Variants in OXCT1 observed in about 807,000 individuals in gnomAD.
The protein encoded by OXCT1 is succinyl-CoA:3-ketoacid coenzyme A transferase 1, mitochondrial.
Under a neutral mutation model 69.6 loss-of-function variants are expected in OXCT1, and 27 were observed. That is an observed-to-expected ratio of 0.39 (90% CI 0.29 to 0.54). The LOEUF (loss-of-function observed/expected upper bound fraction) is 0.54. OXCT1 is among the 20% of genes least tolerant of loss of function. The pLI is 0.72. For synonymous variants in OXCT1, 202 were observed against 217.8 expected (o/e 0.93, Z 0.64); for missense variants, 437 against 650.2 (o/e 0.67, Z 3.57).
intron 6 of OXCT1, among the ~76,000 whole-genome samples, chr5:41,840,958 C>A (rs1748601992): frequency 6.6e-6 from 1 of 152,156 alleles, no homozygotes; most frequent in South Asian, 2.1e-4. Context: ...TAATTACATT[C>A]TCTATTGAAG....
intron 13 of OXCT1, among the ~76,000 whole-genome samples, chr5:41,791,022 A>G (rs1308571173): frequency 6.6e-6 from 1 of 152,196 alleles, no homozygotes; most frequent in Non-Finnish European, 1.5e-5. Context: ...GAGTGCTTGC[A>G]GTGTTCACTT....
intron 13 of OXCT1, among the ~76,000 whole-genome samples, chr5:41,792,517 T>C (rs1412793114): frequency 6.6e-6 from 1 of 152,216 alleles, no homozygotes; most frequent in Non-Finnish European, 1.5e-5. Flanking sequence ...ATAGTCACTC[T>C]ACTACCCCGT....
At chr5:41,808,495 A>T (rs1042490261) in intron 7 of OXCT1, among the ~76,000 whole-genome samples, 2 of 152,112 alleles carry the variant, frequency 1.3e-5, no homozygotes, top group Non-Finnish European at 2.9e-5. Context: ...TACAGAAGAC[A>T]TTTTACTTAT....
chr5:41,843,752 A>G (rs1176114084), intron 5 of OXCT1: 1 of 294,714 alleles, frequency 3.4e-6, no homozygotes, highest in Non-Finnish European at 6.9e-6. Context: ...GCTATAGAAA[A>G]TAGAAAATTT....
intron 7 of OXCT1, among the ~76,000 whole-genome samples, chr5:41,809,785 T>C (rs1383874223): frequency 6.6e-6 from 1 of 152,054 alleles, no homozygotes; most frequent in Admixed American, 6.6e-5. Flanking sequence ...GACAATTATA[T>C]CATAACTCTC....
intron 7 of OXCT1, among the ~76,000 whole-genome samples, chr5:41,830,144 T>G (rs1748024162): frequency 6.6e-6 from 1 of 151,910 alleles, no homozygotes; most frequent in Non-Finnish European, 1.5e-5. Context: ...ATAAGGAAAA[T>G]AAATGTAAGT....
chr5:41,771,894 G>C (rs1744888107), intron 13 of OXCT1, among the ~76,000 whole-genome samples: 1 of 152,168 alleles, frequency 6.6e-6, no homozygotes, highest in Admixed American at 6.5e-5. Flanking sequence ...GAGCATGTAT[G>C]ACCTGCAAAT....
At chr5:41,862,203 T>A (rs982285527) in intron 2 of OXCT1, among the ~76,000 whole-genome samples, 1 of 152,086 alleles carries the variant, frequency 6.6e-6, no homozygotes, top group Non-Finnish European at 1.5e-5. Context: ...AAAGTGAAAC[T>A]CCCTCGAGAG....
At chr5:41,732,158 C>A (rs866739143) in intron 16 of OXCT1, among the ~76,000 whole-genome samples, 3 of 152,066 alleles carry the variant, frequency 2.0e-5, no homozygotes, top group Admixed American at 6.5e-5. Context: ...TCCAAAACCT[C>A]AAAATAGATC....
intron 9 of OXCT1, among the ~76,000 whole-genome samples, chr5:41,804,198 T>C (rs1464079206): frequency 6.6e-6 from 1 of 152,136 alleles, no homozygotes; most frequent in Non-Finnish European, 1.5e-5. Flanking sequence ...TCTAGTATAG[T>C]GTTATTTGTA....
At chr5:41,799,019 T>A (rs1746306971) in intron 11 of OXCT1, among the ~76,000 whole-genome samples, 1 of 152,198 alleles carries the variant, frequency 6.6e-6, no homozygotes, top group African/African-American at 2.4e-5. Flanking sequence ...GTATAATACA[T>A]GTGAAAAAGT....
chr5:41,869,946 C>A (rs2112499055), intron 1 of OXCT1: 1 of 401,310 alleles, frequency 2.5e-6, no homozygotes, highest in Non-Finnish European at 4.7e-6. Flanking sequence ...GAGTCCCTAT[C>A]CAAGGGCGGG....
At chr5:41,842,145 A>G (rs773752043) in intron 6 of OXCT1, among the ~76,000 whole-genome samples, 1 of 152,216 alleles carries the variant, frequency 6.6e-6, no homozygotes, top group Admixed American at 6.5e-5. Flanking sequence ...TAAAATCTAT[A>G]AAGTCTGTGG....
At chr5:41,783,626 T>G (rs891241753) in intron 13 of OXCT1, among the ~76,000 whole-genome samples, 1 of 152,230 alleles carries the variant, frequency 6.6e-6, no homozygotes, top group Non-Finnish European at 1.5e-5. Flanking sequence ...AGAGATCGAC[T>G]GATTCAAAGA....
intron 15 of OXCT1, among the ~76,000 whole-genome samples, chr5:41,744,231 T>C (rs1743350976): frequency 1.3e-5 from 2 of 152,194 alleles, no homozygotes; most frequent in Admixed American, 6.5e-5. Flanking sequence ...TTTGAAGCAA[T>C]TGTGAATGGG....
At chr5:41,766,490 AAAGT>A (rs753125193) in intron 13 of OXCT1, among the ~76,000 whole-genome samples, 13 of 152,164 alleles carry the variant, frequency 8.5e-5, no homozygotes, top group East Asian at 1.9e-4. Context: ...AATTTTAAAG[AAAGT>A]AAGAGAAAAA....
Position 41,870,179 on chromosome 5 carries a change from G to T in OXCT1, c.78+102C>A. 2 of 926,084 alleles carry T rather than the reference G, an allele frequency of 2.2e-6. No individual in the cohort carries two copies. Among genetic ancestry groups the T allele is most frequent in the Non-Finnish European group, 3.5e-6 (2 of 572,068 alleles). 57.4% of individuals were successfully genotyped at this position (926,084 alleles called of 1,614,324 possible). A position where few individuals can be genotyped will look rare whatever the true frequency, so the allele number is the denominator to read the frequency against. On this transcript the variant is annotated intron_variant, in intron 1 of 16. Transcript: ENST00000196371. This position sits in a 1 kb window ranked among gnomAD's most constrained non-coding sequence, Gnocchi z 4.2. ...CCGCGCCACGGATGCCAGATCCCAG[G>T]CTGGAGAGAGCGGGTAGGGGCAGAG...
intron 4 of OXCT1, among the ~76,000 whole-genome samples, 174 bp from the exon 5 acceptor site, chr5:41,850,353 T>C (rs942712556): frequency 2.6e-5 from 4 of 152,184 alleles, no homozygotes; most frequent in Non-Finnish European, 4.4e-5. Flanking sequence ...TTTTAAGAAG[T>C]TACTGCCCCT....
chr5:41,842,228 A>G (rs185735103), intron 6 of OXCT1, among the ~76,000 whole-genome samples: 3 of 152,334 alleles, frequency 2.0e-5, no homozygotes, highest in Non-Finnish European at 4.4e-5. Context: ...AGCATTTCCT[A>G]GAAGACACCA....
Sources: allele counts gnomAD v4.1 joint callset (sites outside exome capture counted in the v4.1 genomes callset), GRCh38; gene constraint gnomAD v4.1.1; non-coding constraint Gnocchi (gnomAD v3.1); transcripts MANE v1.5; gene names NCBI Gene and HGNC (gene_info 2026-07-23, HGNC 2026-07-21).